The following GPC5 variants were observed in gnomAD, a reference collection of about 807,000 sequenced individuals.
GPC5 encodes the protein glypican-5.
Under a neutral mutation model 53.9 loss-of-function variants are expected in GPC5, and 47 were observed. That is an observed-to-expected ratio of 0.87 (90% CI 0.69 to 1.11). The LOEUF (loss-of-function observed/expected upper bound fraction) is 1.11, where lower values mean the gene tolerates loss of function less well. GPC5 is among the 50% of genes most tolerant of loss of function. The pLI is 0.00. For missense variants in GPC5, 748 were observed against 713.1 expected, an observed-to-expected ratio of 1.05 and a Z score of -0.56; for synonymous variants, 286 against 263.3, an observed-to-expected ratio of 1.09 and a Z score of -0.84.
At chr13:91,803,640 A>G (rs1286048018) in intron 5 of GPC5, among the ~76,000 whole-genome samples, 30 of 152,184 alleles carry the variant, frequency 2.0e-4, no homozygotes, top group Admixed American at 1.9e-3. Context: ...ATTTTTCGTA[A>G]GATTGTTACA....
chr13:91,707,444 G>A (rs920656346), intron 3 of GPC5, among the ~76,000 whole-genome samples: 1 of 151,914 alleles, frequency 6.6e-6, no homozygotes, highest in African/African-American at 2.4e-5. Context: ...GCAACATAGC[G>A]AGACACCATC....
At chr13:92,718,884 C>T (rs1888415437) in intron 7 of GPC5, among the ~76,000 whole-genome samples, 2 of 140,170 alleles carry the variant, frequency 1.4e-5, no homozygotes, top group Admixed American at 1.5e-4. Flanking sequence ...GAGTGAGACT[C>T]CGTCCCCCCA....
At position 92,540,349 on chromosome 13, in the gene GPC5, A is replaced by G. The variant is rs531455761; in HGVS notation, c.1562-325933A>G. Among the ~76,000 whole-genome samples, 32 of 152,126 alleles carry G rather than the reference A, an allele frequency of 2.1e-4. No homozygotes were observed. The South Asian group carries it at 6.2e-3, about 30-fold the overall frequency. On this transcript the variant is annotated intron_variant, in intron 7 of 7. Transcript: ENST00000377067. ...ATGTGCCTTAAGGTGTTAGATGACTATAAATATGAATACGATAATAGTGGT... is the reference window on the plus strand; with the variant it reads ...ATGTGCCTTAAGGTGTTAGATGACTGTAAATATGAATACGATAATAGTGGT...
chr13:92,763,921 T>G (rs1006491113), intron 7 of GPC5, among the ~76,000 whole-genome samples: 2 of 151,992 alleles, frequency 1.3e-5, no homozygotes, highest in African/African-American at 2.4e-5. Context: ...TATAGTGCAC[T>G]CCGTAGTAGT....
intron 7 of GPC5, among the ~76,000 whole-genome samples, chr13:92,336,861 T>G (rs2043327216): frequency 6.6e-6 from 1 of 152,172 alleles, no homozygotes; most frequent in Admixed American, 6.6e-5. Context: ...GATGGGAATC[T>G]CTCTATGTCA....
intron 7 of GPC5, among the ~76,000 whole-genome samples, chr13:92,188,652 A>G (rs2042201188): frequency 1.3e-5 from 2 of 152,246 alleles, no homozygotes; most frequent in Admixed American, 6.5e-5. Flanking sequence ...TAATTGCTGC[A>G]TAACAGTTAT....
At chr13:92,814,008 G>T (rs889072146) in intron 7 of GPC5, among the ~76,000 whole-genome samples, 2 of 151,978 alleles carry the variant, frequency 1.3e-5, no homozygotes, top group Non-Finnish European at 2.9e-5. Context: ...CATTAAGATT[G>T]TGTGATACTG....
At chr13:92,154,211 T>G (rs1335927737) in intron 7 of GPC5, among the ~76,000 whole-genome samples, 1 of 152,146 alleles carries the variant, frequency 6.6e-6, no homozygotes, top group African/African-American at 2.4e-5. Flanking sequence ...TAGAATTTAC[T>G]CATTATCATA....
intron 1 of GPC5, among the ~76,000 whole-genome samples, chr13:91,415,301 T>A (rs1878119317): frequency 6.6e-6 from 1 of 152,124 alleles, no homozygotes; most frequent in Non-Finnish European, 1.5e-5. Flanking sequence ...TGTAACACAA[T>A]CCCCTACATG....
chr13:91,974,118 G>T (rs778787106), intron 6 of GPC5, among the ~76,000 whole-genome samples: 1 of 152,200 alleles, frequency 6.6e-6, no homozygotes, highest in South Asian at 2.1e-4. Flanking sequence ...TCCTTGAGCT[G>T]TGGTGGGCTC....
At chr13:92,561,693 A>G (rs1882700034) in intron 7 of GPC5, among the ~76,000 whole-genome samples, 1 of 152,064 alleles carries the variant, frequency 6.6e-6, no homozygotes, top group African/African-American at 2.4e-5. Flanking sequence ...CAACTGATTT[A>G]GTAAAGTTGT....
At chr13:92,840,429 C>G (rs1290033163) in intron 7 of GPC5, among the ~76,000 whole-genome samples, 1 of 151,960 alleles carries the variant, frequency 6.6e-6, no homozygotes, top group African/African-American at 2.4e-5. Flanking sequence ...CAGAAAGTTT[C>G]ATTTCTCGAC....
intron 7 of GPC5, among the ~76,000 whole-genome samples, chr13:92,206,197 G>C (rs551063516): frequency 1.5e-5 from 2 of 136,382 alleles, no homozygotes; most frequent in East Asian, 2.2e-4. Context: ...ACAGAGTCTC[G>C]GTCTGTCGCC....
intron 2 of GPC5, among the ~76,000 whole-genome samples, chr13:91,471,743 CTTTTCTCTTCCTA>C (rs1182172430): frequency 6.6e-6 from 1 of 152,016 alleles, no homozygotes; most frequent in Non-Finnish European, 1.5e-5. Flanking sequence ...GTCTCTTCCT[CTTTTCTCTTCCTA>C]TTTTTGTTTC....
intron 2 of GPC5, among the ~76,000 whole-genome samples, chr13:91,529,689 T>C (rs1886248319): frequency 6.6e-6 from 1 of 152,196 alleles, no homozygotes; most frequent in Non-Finnish European, 1.5e-5. Flanking sequence ...AGTTTTCCCT[T>C]ATGTTAAAAA....
intron 7 of GPC5, among the ~76,000 whole-genome samples, chr13:92,215,790 G>T (rs2042405475): frequency 6.6e-6 from 1 of 152,156 alleles, no homozygotes; most frequent in Admixed American, 6.5e-5. Context: ...AAGGATAGTG[G>T]CACCACGTAA....
intron 7 of GPC5, among the ~76,000 whole-genome samples, chr13:92,754,174 T>C (rs1874734204): frequency 6.6e-6 from 1 of 152,142 alleles, no homozygotes; most frequent in African/African-American, 2.4e-5. Context: ...GGGCCAATAT[T>C]CAACATTCTT....
At chr13:92,786,791 C>T (rs1423733061) in intron 7 of GPC5, among the ~76,000 whole-genome samples, 1 of 152,060 alleles carries the variant, frequency 6.6e-6, no homozygotes, top group Non-Finnish European at 1.5e-5. Flanking sequence ...AGCCCCGGAC[C>T]AGACTCACTG....
intron 7 of GPC5, among the ~76,000 whole-genome samples, chr13:92,613,682 A>C (rs2139102292): frequency 7.3e-6 from 1 of 137,910 alleles, no homozygotes; most frequent in South Asian, 2.1e-4. Flanking sequence ...TATATATTTT[A>C]TATAATATAT....
Sources: allele counts gnomAD v4.1 joint callset (sites outside exome capture counted in the v4.1 genomes callset), GRCh38; gene constraint gnomAD v4.1.1; transcripts MANE v1.5; gene names NCBI Gene and HGNC (gene_info 2026-07-23, HGNC 2026-07-21).